The following DIS3L2 variants were observed in gnomAD, a reference collection of about 807,000 sequenced individuals.
DIS3L2 encodes the protein DIS3-like exonuclease 2.
Under a neutral mutation model 97.5 loss-of-function variants are expected in DIS3L2, and 34 were observed. The ratio of observed to expected loss-of-function variants is 0.35; its 90% confidence interval spans 0.27 to 0.46. The LOEUF (loss-of-function observed/expected upper bound fraction) is 0.46, where lower values mean the gene tolerates loss of function less well. Among genes scored for constraint, DIS3L2 ranks in the 20% least tolerant of loss-of-function variants. DIS3L2 has a pLI of 1.00. For missense variants in DIS3L2, 1,038 were observed against 1,146.0 expected (o/e 0.91, Z 1.36); for synonymous variants, 435 against 445.2 (o/e 0.98, Z 0.29).
chr2:232,043,908 T>C (rs1214830012), intron 5 of DIS3L2, among the ~76,000 whole-genome samples: 2 of 152,240 alleles, frequency 1.3e-5, no homozygotes, highest in African/African-American at 4.8e-5. Flanking sequence ...AGATTTCTCT[T>C]ATGTCTTATA....
chr2:232,081,358 A>G (rs1053027367), intron 5 of DIS3L2, among the ~76,000 whole-genome samples: 1 of 152,196 alleles, frequency 6.6e-6, no homozygotes, highest in Non-Finnish European at 1.5e-5. Context: ...GTCCACCCAT[A>G]ATAAAACGTT....
chr2:232,157,166 T>A (rs1384599615), intron 8 of DIS3L2, among the ~76,000 whole-genome samples: 1 of 152,202 alleles, frequency 6.6e-6, no homozygotes, highest in Non-Finnish European at 1.5e-5. Flanking sequence ...TAGTCTCAGA[T>A]TCCAATTCAG....
chr2:232,188,921 T>C (rs1267474689), intron 9 of DIS3L2, among the ~76,000 whole-genome samples: 1 of 152,086 alleles, frequency 6.6e-6, no homozygotes, highest in African/African-American at 2.4e-5. Context: ...ACAGAAGACA[T>C]ACACTGAAGA....
chr2:232,334,461 G>A lies in DIS3L2; in HGVS notation c.2251G>A (p.Glu751Lys), dbSNP rs1433675419. 1 of 1,613,936 alleles carries A rather than the reference G, an allele frequency of 6.2e-7. No homozygotes were observed. The highest frequency in any genetic ancestry group is 1.7e-5 in the Admixed American group (1 of 60,026). ...CCGCATGGCGTCCAAGCGCGTGCAG[G>A]AGCTCAGTACCAGTCTCTTCTTTGC... ...DRRMASKRVQ[E>K]LSTSLFFAVL... Residue 751 changes from glutamate to lysine, a missense_variant, in exon 18 of 21, where the codon GAG (glutamate) becomes AAG (lysine). By Grantham distance (56) the Glu-to-Lys change is moderately conservative. Around this residue, in one of 3 missense-constraint regions of DIS3L2, gnomAD observed 221 missense variants for 246.9 expected, o/e 0.90. Transcript: ENST00000325385.
rs1060503027 is a variant in DIS3L2, at chr2:232,263,283, T to C, written c.1502T>C (p.Ile501Thr). 3.1e-6 allele frequency: 5 copies of C among 1,614,076 alleles called. No individual in the cohort carries two copies. Among genetic ancestry groups the C allele is most frequent in the Non-Finnish European group, 4.2e-6 (5 of 1,180,048 alleles). The part of the protein sequence containing the change: ...KLSYEHAQSM[I>T]ESPTEKIPAK... ...AGCTACGAGCATGCACAGAGCATGA[T>C]TGAAAGCCCAACTGAGAAAATCCCT... Residue 501 changes from isoleucine to threonine, a missense_variant, in exon 13 of 21, where the codon ATT becomes ACT. Coordinates refer to ENST00000325385, the MANE Select transcript of DIS3L2 (RefSeq NM_152383.5).
chr2:232,268,490 G>C lies in DIS3L2; in HGVS notation c.1659+5050G>C, dbSNP rs149467916. Among the ~76,000 whole-genome samples, 463 of 152,292 alleles carry C rather than the reference G, an allele frequency of 3.0e-3. 5 individuals carry two copies. Among genetic ancestry groups the C allele is most frequent in the African/African-American group, 0.01 (429 of 41,566 alleles). Reference sequence around the variant, plus strand: ...GTAAATGGTTTAGGCTTTGTGGGCTGTGCAGTCTCTGTCTCTGCTACTCAA... The same window carrying C: ...GTAAATGGTTTAGGCTTTGTGGGCTCTGCAGTCTCTGTCTCTGCTACTCAA... On this transcript the variant is annotated intron_variant, in intron 13 of 20. Coordinates refer to ENST00000325385, the MANE Select transcript of DIS3L2 (RefSeq NM_152383.5). The surrounding 1 kb of genome is among the most constrained non-coding windows in gnomAD (Gnocchi z 4.1).
At chr2:232,018,482 A>G (rs1694418024) in intron 3 of DIS3L2, among the ~76,000 whole-genome samples, 1 of 152,216 alleles carries the variant, frequency 6.6e-6, no homozygotes, top group African/African-American at 2.4e-5. Flanking sequence ...AGGCAGAGAA[A>G]CAGAGTCCAT....
At chr2:232,144,205 A>T (rs1690152800) in intron 8 of DIS3L2, among the ~76,000 whole-genome samples, 1 of 152,132 alleles carries the variant, frequency 6.6e-6, no homozygotes, top group South Asian at 2.1e-4. Flanking sequence ...ACATAGGTAC[A>T]TGTTTAACTT....
chr2:232,313,470 A>G (rs559112990), intron 14 of DIS3L2, among the ~76,000 whole-genome samples: 1 of 152,368 alleles, frequency 6.6e-6, no homozygotes, highest in South Asian at 2.1e-4. Context: ...CATTTGAACA[A>G]GGATTCAAAC....
At chr2:231,969,032 C>A (rs1040246162) in intron 1 of DIS3L2, among the ~76,000 whole-genome samples, 1 of 152,102 alleles carries the variant, frequency 6.6e-6, no homozygotes, top group African/African-American at 2.4e-5. Flanking sequence ...CTGCCGCCGC[C>A]GTGTAAGACA....
chr2:231,980,362 C>T (rs950119587), intron 1 of DIS3L2, among the ~76,000 whole-genome samples: 32 of 152,102 alleles, frequency 2.1e-4, no homozygotes, highest in African/African-American at 7.7e-4. Context: ...TGGAGAAATG[C>T]CTGTTCAGAT....
chr2:232,142,157 G>A (rs73003143), intron 8 of DIS3L2, among the ~76,000 whole-genome samples: 1,814 of 152,232 alleles, frequency 0.012, 17 homozygotes, highest in Non-Finnish European at 0.018. Flanking sequence ...GAGTTTGTAT[G>A]TTCTTTTCAA....
chr2:232,000,997 A>G (rs1453868839), intron 1 of DIS3L2, among the ~76,000 whole-genome samples: 3 of 152,024 alleles, frequency 2.0e-5, no homozygotes, highest in Admixed American at 2.0e-4. Context: ...GCTATTGAGA[A>G]TAATACTGTA....
chr2:232,200,727 A>G (rs1232745856), intron 9 of DIS3L2, among the ~76,000 whole-genome samples: 1 of 151,484 alleles, frequency 6.6e-6, no homozygotes, highest in African/African-American at 2.4e-5. Flanking sequence ...CAAGGCTATG[A>G]TTCATTCAGG....
intron 13 of DIS3L2, among the ~76,000 whole-genome samples, chr2:232,297,748 G>C (rs1694758173): frequency 6.8e-6 from 1 of 146,910 alleles, no homozygotes; most frequent in African/African-American, 2.5e-5. Context: ...TGTCGCCCAG[G>C]CTGGAATGCA....
chr2:232,002,190 C>CT (rs958591432), intron 1 of DIS3L2, among the ~76,000 whole-genome samples: 2 of 152,058 alleles, frequency 1.3e-5, no homozygotes, highest in African/African-American at 4.8e-5. Flanking sequence ...AGTAAATGTG[C>CT]TTTTTTATTT....
At chr2:232,282,592 A>G (rs1017757143) in intron 13 of DIS3L2, among the ~76,000 whole-genome samples, 4 of 152,202 alleles carry the variant, frequency 2.6e-5, no homozygotes, top group African/African-American at 9.7e-5. Flanking sequence ...TAGTCATAGT[A>G]AAGATGACCT....
At chr2:232,035,356 T>C (rs530760065) in intron 5 of DIS3L2, among the ~76,000 whole-genome samples, 2 of 152,328 alleles carry the variant, frequency 1.3e-5, no homozygotes, top group South Asian at 4.1e-4. Context: ...GCTTGGTAAA[T>C]ATTCCTCCAT....
chr2:232,004,132 G>C (rs552012455), intron 1 of DIS3L2, among the ~76,000 whole-genome samples: 4 of 152,142 alleles, frequency 2.6e-5, no homozygotes, highest in Admixed American at 2.0e-4. Flanking sequence ...GAGTGCAGTG[G>C]CATGATCTTG....
Sources: allele counts gnomAD v4.1 joint callset (sites outside exome capture counted in the v4.1 genomes callset), GRCh38; gene constraint gnomAD v4.1.1; regional missense constraint gnomAD v4.1.1; non-coding constraint Gnocchi (gnomAD v3.1); transcripts MANE v1.5; gene names NCBI Gene and HGNC (gene_info 2026-07-23, HGNC 2026-07-21).